The following ACACB variants were observed in gnomAD, a reference collection of about 807,000 sequenced individuals.
ACACB encodes acetyl-CoA carboxylase beta.
Under a neutral mutation model 278.8 loss-of-function variants are expected in ACACB, and 209 were observed. That is an observed-to-expected ratio of 0.75 (90% CI 0.67 to 0.84). The LOEUF is 0.84. Ranked by LOEUF, ACACB falls within the 40% of genes least tolerant of loss-of-function variation. ACACB has a pLI of 0.00. For synonymous variants in ACACB, 1,174 were observed against 1,285.6 expected, an observed-to-expected ratio of 0.91 and a Z score of 1.86; for missense variants, 2,850 against 3,269.0, an observed-to-expected ratio of 0.87 and a Z score of 3.13.
chr12:109,176,389 TGTATC>T, intron 9 of ACACB, 126 bp downstream of exon 9: 1 of 865,892 alleles, frequency 1.2e-6, no homozygotes, highest in Non-Finnish European at 1.9e-6. Flanking sequence ...GATGTATCGT[TGTATC>T]GTATTTTGCA....
At chr12:109,243,893 ATATT>A (rs1555231793) in intron 37 of ACACB, among the ~76,000 whole-genome samples, 1 of 144,982 alleles carries the variant, frequency 6.9e-6, no homozygotes, top group African/African-American at 2.5e-5. Context: ...ATATATATAT[ATATT>A]TATTTATTTA....
At chr12:109,218,358 C>G (rs1379656215) in intron 24 of ACACB, among the ~76,000 whole-genome samples, 2 of 148,776 alleles carry the variant, frequency 1.3e-5, no homozygotes, top group Non-Finnish European at 3.0e-5. Flanking sequence ...CACACCACCA[C>G]GCCCAGCTAG....
chr12:109,213,925 C>G (rs2045919528), intron 22 of ACACB, among the ~76,000 whole-genome samples: 1 of 151,800 alleles, frequency 6.6e-6, no homozygotes, highest in Non-Finnish European at 1.5e-5. Context: ...TGCCACTTTT[C>G]ATGAAAAATC....
intron 15 of ACACB, among the ~76,000 whole-genome samples, 164 bp from the exon 16 acceptor site, chr12:109,193,484 C>T (rs1040484312): frequency 2.0e-5 from 3 of 152,210 alleles, no homozygotes; most frequent in African/African-American, 7.2e-5. Flanking sequence ...TCCCAAGGTG[C>T]AGGGATTACA....
At position 109,192,336 on chromosome 12, in the gene ACACB, T is replaced by A. The variant is rs59181031; in HGVS notation, c.2399+386T>A. 7.1e-3 allele frequency among the ~76,000 whole-genome samples: 1,081 copies of A among 152,270 alleles called. 15 individuals are homozygous for A. The highest frequency in any genetic ancestry group is 0.024 in the African/African-American group (1,003 of 41,550). ...CCTCACCAGAATCAGAGGGTCATCA[T>A]GAAATGGACCAGAATGGAAAGCAAC... is the stretch of plus-strand genomic sequence containing the variant. On this transcript the variant is annotated intron_variant, in intron 15 of 52. Coordinates refer to ENST00000338432, the MANE Select transcript of ACACB (RefSeq NM_001093.4).
chr12:109,254,826 G>A (rs1265004060), intron 44 of ACACB, among the ~76,000 whole-genome samples: 1 of 151,600 alleles, frequency 6.6e-6, no homozygotes, highest in Non-Finnish European at 1.5e-5. Context: ...CCAGGCTGGA[G>A]TGCAGTGGCG....
At chr12:109,123,414 G>A (rs1327251554) in intron 1 of ACACB, among the ~76,000 whole-genome samples, 1 of 151,794 alleles carries the variant, frequency 6.6e-6, no homozygotes. Context: ...GTCTTAGGCC[G>A]AGCGTGGTGG....
intron 19 of ACACB, 112 bp from the exon 20 acceptor site, chr12:109,206,598 A>AG (rs202183729): frequency 0.065 from 84,644 of 1,302,492 alleles, 3,091 homozygotes; most frequent in Non-Finnish European, 0.073. Flanking sequence ...CTCAGACCTC[A>AG]TCCTCACTTG....
chr12:109,238,082 C>A (rs2046683478), intron 34 of ACACB, among the ~76,000 whole-genome samples: 1 of 148,956 alleles, frequency 6.7e-6, no homozygotes, highest in African/African-American at 2.5e-5. Flanking sequence ...TTAAATAAGA[C>A]TGAAAACGAT....
chr12:109,242,402 C>T (rs753468955), intron 36 of ACACB, 35 bp from the exon 37 acceptor site: 4 of 1,601,420 alleles, frequency 2.5e-6, no homozygotes, highest in Middle Eastern at 3.3e-4. Context: ...GTGTGATTCT[C>T]TCTCACTCTC....
At position 109,237,314 on chromosome 12, in the gene ACACB, T is replaced by C. The variant is rs1411868974; in HGVS notation, c.4596T>C (p.Gly1532=). ...TGGGTGCTGCCAAGGTGAAGGAAGG[T>C]GTGGAAGTGACGGACCATAGGTTCT... ...LYLGAAKVKE[G]VEVTDHRFFI... Residue 1532 remains glycine (G), a synonymous_variant, in exon 34 of 53, where the codon GGT becomes GGC. Transcript: ENST00000338432. The C allele has an allele frequency of 2.5e-6, 4 of 1,614,048 alleles. No individual in the cohort carries two copies. The highest frequency in any genetic ancestry group is 3.3e-4 in the Middle Eastern group (2 of 6,084).
At position 109,209,326 on chromosome 12, in the gene ACACB, G is replaced by A; in HGVS notation, c.3222G>A (p.Ser1074=). ...CCCAGTATGCCAGCAACATCACCTC[G>A]GTGCTGTGCCAGTTCCCCAGCCAGC... is the stretch of plus-strand genomic sequence containing the variant. The part of the protein sequence containing the change: ...VMAQYASNIT[S]VLCQFPSQQI... Residue 1074 remains serine (S), a synonymous_variant, in exon 21 of 53, where the codon TCG becomes TCA. Coordinates refer to ENST00000338432, the MANE Select transcript of ACACB (RefSeq NM_001093.4). 2.5e-6 allele frequency: 4 copies of A among 1,611,846 alleles called. No individual in the cohort carries two copies. The highest frequency in any genetic ancestry group is 2.5e-6 in the Non-Finnish European group (3 of 1,179,704).
intron 4 of ACACB, among the ~76,000 whole-genome samples, chr12:109,171,461 T>C (rs1010282687): frequency 2.0e-5 from 3 of 152,278 alleles, no homozygotes; most frequent in Non-Finnish European, 4.4e-5. Flanking sequence ...GCGATTCTCC[T>C]ACCTCAGCCT....
At chr12:109,171,233 A>G (rs2044104831) in intron 4 of ACACB, among the ~76,000 whole-genome samples, 1 of 152,128 alleles carries the variant, frequency 6.6e-6, no homozygotes, top group Non-Finnish European at 1.5e-5. Context: ...CTCTAATCCC[A>G]GTCTGTTGAC....
At chr12:109,131,219 A>G (rs1161286443) in intron 1 of ACACB, 1 of 152,410 alleles carries the variant, frequency 6.6e-6, no homozygotes, top group Non-Finnish European at 1.5e-5. Context: ...TATGGGTGAC[A>G]GATAAAGGCA....
At chr12:109,243,063 A>G (rs991590741) in intron 37 of ACACB, among the ~76,000 whole-genome samples, 2 of 152,238 alleles carry the variant, frequency 1.3e-5, no homozygotes, top group African/African-American at 4.8e-5. Context: ...ATTTATCCCA[A>G]TGATAAAAGT....
In ACACB at chr12:109,206,850, C is replaced by T; in HGVS notation, c.3054C>T (p.Ser1018=). The T allele has an allele frequency of 6.2e-7, 1 of 1,614,142 alleles. No homozygotes were observed. The highest frequency in any genetic ancestry group is 2.2e-5 in the East Asian group (1 of 44,878). Residue 1018 remains serine, a synonymous_variant, in exon 20 of 53, where the codon AGC becomes AGT. Transcript: ENST00000338432. ...TTTGTCTGCCAGAGCCCGTTTTTAG[C>T]ATAAAGGTAAAGTCACCTATGAGCG... ...SGFCLPEPVF[S]IKLKEWVQKL...
intron 45 of ACACB, 23 bp downstream of exon 45, chr12:109,256,259 G>A (rs370703069): frequency 2.5e-6 from 4 of 1,604,430 alleles, no homozygotes; most frequent in Non-Finnish European, 3.4e-6. Context: ...ACGGGAGCAG[G>A]CTGCCCATGT....
At chr12:109,133,863 AT>A (rs67896522) in intron 1 of ACACB, among the ~76,000 whole-genome samples, 279 of 70,356 alleles carry the variant, frequency 4.0e-3, no homozygotes, top group African/African-American at 0.019. Flanking sequence ...ATATATATAT[AT>A]TTTTTTTTTT....
Sources: gnomAD v4.1 joint callset for allele counts (sites outside exome capture counted in the v4.1 genomes callset) on GRCh38, gnomAD v4.1.1 for gene constraint, MANE v1.5 for transcripts, NCBI Gene and HGNC (gene_info 2026-07-23, HGNC 2026-07-21) for gene names.